STK32B: variants seen among roughly 807,000 people sequenced by gnomAD.
The protein encoded by STK32B is serine/threonine-protein kinase 32B.
STK32B carries 43 observed loss-of-function variants against 52.6 expected under a neutral mutation model. The observed-to-expected ratio is 0.82, with a 90% confidence interval of 0.64 to 1.05. The LOEUF (loss-of-function observed/expected upper bound fraction) is 1.05. STK32B is among the 50% of genes least tolerant of loss of function. The probability of loss-of-function intolerance (pLI) is 0.00; values close to 1 mark genes in which losing one functional copy is unlikely to be tolerated. For synonymous variants in STK32B, 238 were observed against 204.3 expected, an observed-to-expected ratio of 1.17 and a Z score of -1.41; for missense variants, 621 against 534.6, an observed-to-expected ratio of 1.16 and a Z score of -1.59.
At chr4:5,342,292 A>G (rs954261100) in intron 4 of STK32B, among the ~76,000 whole-genome samples, 4 of 152,198 alleles carry the variant, frequency 2.6e-5, no homozygotes, top group Admixed American at 2.6e-4. Flanking sequence ...AAAGACTTGG[A>G]ACCAACCCAA....
chr4:5,029,617 G>A, the STK32B span, among the ~76,000 whole-genome samples: 1 of 152,166 alleles, frequency 6.6e-6, no homozygotes, highest in South Asian at 2.1e-4. Context: ...CAGCCTGGAA[G>A]CCGGTCCTCC....
intron 3 of STK32B, among the ~76,000 whole-genome samples, chr4:5,244,063 A>AG (rs1560253947): frequency 7.8e-4 from 118 of 151,988 alleles, no homozygotes; most frequent in African/African-American, 2.7e-3. Flanking sequence ...GTCTCTGCTC[A>AG]GCTTTGGTAT....
At chr4:5,149,329 C>T (rs952489630) in intron 2 of STK32B, among the ~76,000 whole-genome samples, 1 of 151,874 alleles carries the variant, frequency 6.6e-6, no homozygotes, top group Non-Finnish European at 1.5e-5. Flanking sequence ...TTAGTTCATG[C>T]ACAGCTCATG....
chr4:5,445,444 A>G (rs2109119368), intron 6 of STK32B, among the ~76,000 whole-genome samples: 1 of 152,286 alleles, frequency 6.6e-6, no homozygotes, highest in South Asian at 2.1e-4. Flanking sequence ...AATAATGAAC[A>G]TTTCACAAAA....
At chr4:5,454,755 G>T (rs1716349666) in intron 7 of STK32B, among the ~76,000 whole-genome samples, 1 of 152,106 alleles carries the variant, frequency 6.6e-6, no homozygotes, top group South Asian at 2.1e-4. Flanking sequence ...AGCTCATAAA[G>T]ATTCTATGAG....
At chr4:5,145,733 A>G (rs528156665) in intron 2 of STK32B, among the ~76,000 whole-genome samples, 1 of 152,196 alleles carries the variant, frequency 6.6e-6, no homozygotes, top group African/African-American at 2.4e-5. Context: ...TGTGGGATAC[A>G]TATCTGGATA....
At chr4:5,196,699 C>T (rs1277144241) in intron 3 of STK32B, among the ~76,000 whole-genome samples, 8 of 149,576 alleles carry the variant, frequency 5.3e-5, no homozygotes, top group Non-Finnish European at 8.9e-5. Context: ...CCAGTCTGGG[C>T]GGCAGAGCGA....
chr4:5,055,944 C>G (rs906593584), intron 1 of STK32B, among the ~76,000 whole-genome samples: 2 of 151,984 alleles, frequency 1.3e-5, no homozygotes, highest in African/African-American at 4.8e-5. Context: ...CTGTCTTTCT[C>G]CACTCAGTGC....
At chr4:5,144,758 G>A (rs1388186026) in intron 2 of STK32B, among the ~76,000 whole-genome samples, 1 of 150,700 alleles carries the variant, frequency 6.6e-6, no homozygotes, top group Non-Finnish European at 1.5e-5. Context: ...GGCAGCTTAG[G>A]TTCATTTGTT....
intron 11 of STK32B, among the ~76,000 whole-genome samples, chr4:5,480,700 T>G (rs958843884): frequency 6.6e-6 from 1 of 152,128 alleles, no homozygotes; most frequent in African/African-American, 2.4e-5. Flanking sequence ...TCATTTAACA[T>G]TAGGTATATC....
intron 1 of STK32B, among the ~76,000 whole-genome samples, chr4:5,068,635 C>T (rs1023216883): frequency 5.9e-5 from 9 of 152,138 alleles, no homozygotes; most frequent in Non-Finnish European, 7.4e-5. Flanking sequence ...AATTTGCATC[C>T]CACCTGCAGA....
chr4:5,338,723 T>C (rs1354102046), intron 4 of STK32B, among the ~76,000 whole-genome samples: 1 of 152,216 alleles, frequency 6.6e-6, no homozygotes, highest in African/African-American at 2.4e-5. Flanking sequence ...AAATTTTAAG[T>C]CATTCTCAAA....
At chr4:5,214,079 CA>C (rs1723051340) in intron 3 of STK32B, among the ~76,000 whole-genome samples, 1 of 152,096 alleles carries the variant, frequency 6.6e-6, no homozygotes, top group Admixed American at 6.5e-5. Flanking sequence ...TGACCCCACC[CA>C]AATCTCATGT....
At chr4:5,317,204 A>ATATATAACATATATATAT (rs1731055331) in intron 3 of STK32B, among the ~76,000 whole-genome samples, 9 of 48,458 alleles carry the variant, frequency 1.9e-4, no homozygotes, top group Non-Finnish European at 1.5e-4. Flanking sequence ...TATATATATT[A>ATATATAACATATATATAT]TATATATAAC....
At chr4:5,473,779 G>A (rs2109181475) in intron 11 of STK32B, among the ~76,000 whole-genome samples, 1 of 152,274 alleles carries the variant, frequency 6.6e-6, no homozygotes, top group East Asian at 1.9e-4. Flanking sequence ...TGCTGTGGAT[G>A]GAGGGTGCCC....
intron 1 of STK32B, among the ~76,000 whole-genome samples, chr4:5,129,178 C>A (rs945374451): frequency 6.6e-6 from 1 of 152,144 alleles, no homozygotes; most frequent in Non-Finnish European, 1.5e-5. Context: ...ACAAGTAACT[C>A]CAATCCACTC....
At chr4:5,150,531 A>G (rs1409188246) in intron 2 of STK32B, among the ~76,000 whole-genome samples, 2 of 151,902 alleles carry the variant, frequency 1.3e-5, no homozygotes, top group South Asian at 4.1e-4. Context: ...TTGGACTTAC[A>G]TTGCATATTC....
the STK32B span, among the ~76,000 whole-genome samples, chr4:5,032,413 C>T: frequency 7.4e-6 from 1 of 134,428 alleles, no homozygotes; most frequent in Non-Finnish European, 1.5e-5. Context: ...GCGGAGGTTG[C>T]AGGCAGTTAG....
Position 5,412,305 on chromosome 4 carries a change from C to T in STK32B, c.473-4540C>T, listed in dbSNP as rs149486247. On this transcript the variant is annotated intron_variant, in intron 5 of 11. Coordinates refer to ENST00000282908, the MANE Select transcript of STK32B (RefSeq NM_018401.3). ...AAACTTTCATTCTCCTGAGAAGGAA[C>T]TCATAGGAAATCTTGTTGGGCACTA... 9.3e-3 allele frequency among the ~76,000 whole-genome samples: 1,421 copies of T among 152,306 alleles called. 21 individuals carry two copies. Among genetic ancestry groups the T allele is most frequent in the South Asian group, 0.039 (190 of 4,830 alleles).
Sources: gnomAD v4.1 joint callset for allele counts (sites outside exome capture counted in the v4.1 genomes callset) on GRCh38, gnomAD v4.1.1 for gene constraint, MANE v1.5 for transcripts, NCBI Gene and HGNC (gene_info 2026-07-23, HGNC 2026-07-21) for gene names.